MCHR2: variants seen among roughly 807,000 people sequenced by gnomAD.
MCHR2 encodes the protein melanin concentrating hormone receptor 2, also known as melanin-concentrating hormone receptor 2.
Under a neutral mutation model 24.8 loss-of-function variants are expected in MCHR2, and 15 were observed. The ratio of observed to expected loss-of-function variants is 0.60; its 90% confidence interval spans 0.40 to 0.93. MCHR2 has a LOEUF of 0.93. Among genes scored for constraint, MCHR2 ranks in the 40% least tolerant of loss-of-function variants. The pLI, the probability that MCHR2 is intolerant of heterozygous loss-of-function variation, is 0.00. For missense variants in MCHR2, 386 were observed against 408.7 expected (o/e 0.94, Z 0.48); for synonymous variants, 151 against 147.6 (o/e 1.02, Z -0.17).
At chr6:99,992,031 A>G (rs1191713729) in intron 1 of MCHR2, among the ~76,000 whole-genome samples, 1 of 152,160 alleles carries the variant, frequency 6.6e-6, no homozygotes, top group African/African-American at 2.4e-5. Flanking sequence ...GGGATTGGAG[A>G]TGAGTAAATT....
At chr6:99,975,444 G>A (rs750465261) in intron 1 of MCHR2, among the ~76,000 whole-genome samples, 18 of 152,192 alleles carry the variant, frequency 1.2e-4, no homozygotes, top group Non-Finnish European at 2.1e-4. Context: ...TAGGGTGGGG[G>A]TGACCCAATT....
At chr6:99,978,693 C>T (rs766350471) in intron 1 of MCHR2, among the ~76,000 whole-genome samples, 15 of 152,092 alleles carry the variant, frequency 9.9e-5, no homozygotes, top group Non-Finnish European at 1.0e-4. Context: ...GCTGGGATGA[C>T]AGGCGTGAGC....
intron 2 of MCHR2, among the ~76,000 whole-genome samples, chr6:99,950,166 G>A (rs1774941120): frequency 6.6e-6 from 1 of 152,074 alleles, no homozygotes; most frequent in Non-Finnish European, 1.5e-5. Flanking sequence ...ATGATATTCT[G>A]TATAGTACAA....
intron 5 of MCHR2, among the ~76,000 whole-genome samples, chr6:99,933,881 T>A (rs1774596940): frequency 6.6e-6 from 1 of 152,090 alleles, no homozygotes; most frequent in African/African-American, 2.4e-5. Context: ...GACAAGTATC[T>A]TCAAAGGTCC....
intron 1 of MCHR2, among the ~76,000 whole-genome samples, chr6:99,991,358 C>T (rs117245877): frequency 0.036 from 5,466 of 152,212 alleles, 142 homozygotes; most frequent in Non-Finnish European, 0.054. Context: ...TACAGGCCTT[C>T]CTAGAAGACT....
chr6:99,923,581 T>C (rs1774286999), intron 5 of MCHR2, among the ~76,000 whole-genome samples: 1 of 152,110 alleles, frequency 6.6e-6, no homozygotes, highest in Non-Finnish European at 1.5e-5. Flanking sequence ...AACTAGTTTT[T>C]TTAAGGTTTT....
intron 1 of MCHR2, among the ~76,000 whole-genome samples, chr6:99,974,111 T>C (rs560406956): frequency 2.6e-4 from 40 of 152,326 alleles, no homozygotes; most frequent in African/African-American, 9.1e-4. Context: ...TGGCCTGCCT[T>C]GCTAGATTGG....
chr6:99,923,099 T>C (rs915434744), intron 5 of MCHR2, among the ~76,000 whole-genome samples: 2 of 152,114 alleles, frequency 1.3e-5, no homozygotes, highest in Admixed American at 6.5e-5. Context: ...ATTATAGAGA[T>C]CTTTCACTTC....
At chr6:99,937,713 GC>G (rs1774691349) in intron 4 of MCHR2, among the ~76,000 whole-genome samples, 1 of 149,940 alleles carries the variant, frequency 6.7e-6, no homozygotes, top group Non-Finnish European at 1.5e-5. Flanking sequence ...AGTAACGCTG[GC>G]TTTGTAGAAT....
intron 1 of MCHR2, among the ~76,000 whole-genome samples, chr6:99,972,334 C>T (rs916015433): frequency 4.6e-5 from 7 of 152,282 alleles, no homozygotes; most frequent in Non-Finnish European, 5.9e-5. Context: ...TCTAGATTTT[C>T]TAGTTTATTT....
In MCHR2 at chr6:99,918,973, A is replaced by AG. The variant is rs1774170316; in HGVS notation, c.*1966_*1967insC. Among the ~76,000 whole-genome samples, 1 of 152,194 alleles carries AG rather than the reference A, an allele frequency of 6.6e-6. No homozygotes were observed. Among genetic ancestry groups the AG allele is most frequent in the Non-Finnish European group, 1.5e-5 (1 of 68,034 alleles). ...CATAATATTTTTCTGTATTAAAAAA[A>AG]CAATGAAAGTAAGCAATTGCTCTTC... On this transcript the variant is annotated 3_prime_UTR_variant, in exon 6 of 6. Coordinates refer to ENST00000281806, the MANE Select transcript of MCHR2 (RefSeq NM_001040179.2).
intron 4 of MCHR2, among the ~76,000 whole-genome samples, chr6:99,940,676 C>T (rs1774753288): frequency 6.6e-6 from 1 of 151,772 alleles, no homozygotes; most frequent in African/African-American, 2.4e-5. Context: ...CCAGTCTTCT[C>T]TGTCTGAGTT....
intron 1 of MCHR2, among the ~76,000 whole-genome samples, chr6:99,988,927 T>C (rs992818524): frequency 2.6e-5 from 4 of 152,226 alleles, no homozygotes; most frequent in Non-Finnish European, 5.9e-5. Context: ...TTATGACTAA[T>C]GTTAGCTTCT....
chr6:99,959,803 C>A (rs1181440008), intron 1 of MCHR2, among the ~76,000 whole-genome samples: 1 of 145,934 alleles, frequency 6.9e-6, no homozygotes, highest in Non-Finnish European at 1.5e-5. Flanking sequence ...ATAAACTAGG[C>A]AGAGGAGTAA....
At chr6:99,949,244 G>C (rs1774925981) in intron 2 of MCHR2, among the ~76,000 whole-genome samples, 1 of 152,032 alleles carries the variant, frequency 6.6e-6, no homozygotes, top group African/African-American at 2.4e-5. Flanking sequence ...TGTCATCAAG[G>C]AGCTTATAGT....
intron 5 of MCHR2, among the ~76,000 whole-genome samples, chr6:99,923,365 A>T (rs148779798): frequency 2.9e-4 from 44 of 152,236 alleles, no homozygotes; most frequent in African/African-American, 1.0e-3. Context: ...TTCCTTTCCA[A>T]TTCGGATGTC....
intron 1 of MCHR2, among the ~76,000 whole-genome samples, chr6:99,969,209 C>T (rs1043821059): frequency 7.2e-5 from 11 of 152,120 alleles, no homozygotes; most frequent in Non-Finnish European, 1.3e-4. Flanking sequence ...GGCGTGGTGG[C>T]TCATGCCTGT....
chr6:99,936,356 C>G (rs1293473233), intron 4 of MCHR2, among the ~76,000 whole-genome samples: 1 of 151,900 alleles, frequency 6.6e-6, no homozygotes, highest in Non-Finnish European at 1.5e-5. Context: ...GTATTTAATT[C>G]ATTTCGGTTT....
At chr6:99,924,821 A>G (rs1774316715) in intron 5 of MCHR2, among the ~76,000 whole-genome samples, 1 of 152,134 alleles carries the variant, frequency 6.6e-6, no homozygotes, top group Non-Finnish European at 1.5e-5. Flanking sequence ...GACCTAACAT[A>G]TGTTCTATCC....
Sources: gnomAD v4.1 joint callset for allele counts (sites outside exome capture counted in the v4.1 genomes callset) on GRCh38, gnomAD v4.1.1 for gene constraint, MANE v1.5 for transcripts, NCBI Gene and HGNC (gene_info 2026-07-23, HGNC 2026-07-21) for gene names.